Variants in SF3B3 observed in about 807,000 individuals in gnomAD.
SF3B3 encodes the protein SAP 130.
Under a neutral mutation model 139.2 loss-of-function variants are expected in SF3B3, and 33 were observed. The observed-to-expected ratio is 0.24, with a 90% CI of 0.18 to 0.32. The LOEUF (loss-of-function observed/expected upper bound fraction) is 0.32, where lower values mean the gene tolerates loss of function less well. Among genes scored for constraint, SF3B3 ranks in the 10% least tolerant of loss-of-function variants. The pLI is 1.00. For missense variants in SF3B3, 818 were observed against 1,509.4 expected (o/e 0.54, Z 7.59); for synonymous variants, 596 against 563.6 (o/e 1.06, Z -0.81).
chr16:70,568,418 C>T lies in SF3B3; in HGVS notation c.3088C>T (p.Pro1030Ser). Residue 1030 changes from proline to serine, a missense_variant, in exon 22 of 26, where the codon CCC becomes TCC. This residue lies in a region of SF3B3 where 91 missense variants were observed against 171.8 expected (regional missense o/e 0.53). Coordinates refer to ENST00000302516, the MANE Select transcript of SF3B3 (RefSeq NM_012426.5). ...TATCATCTTTGCTGATGATACCTAC[C>T]CCCGATGGGTCACTACAGCCAGCCT... Reference protein sequence around the residue: ...QLIIFADDTYPRWVTTASLLD... With the variant: ...QLIIFADDTYSRWVTTASLLD... 6.2e-7 allele frequency: 1 copy of T among 1,614,084 alleles called. No homozygotes were observed. Among genetic ancestry groups the T allele is most frequent in the Non-Finnish European group, 8.5e-7 (1 of 1,179,962 alleles).
chr16:70,532,241 G>A (rs1239265902), intron 4 of SF3B3, among the ~76,000 whole-genome samples: 1 of 150,674 alleles, frequency 6.6e-6, no homozygotes, highest in Non-Finnish European at 1.5e-5. Flanking sequence ...GTGGTGAGCT[G>A]AGATCGTGCC....
In SF3B3 at chr16:70,576,150, A is replaced by G. The variant is rs2151798121; in HGVS notation, c.*4337A>G. 6.6e-6 allele frequency: 1 copy of G among 151,934 alleles called. No homozygotes were observed. Among genetic ancestry groups the G allele is most frequent in the East Asian group, 1.9e-4 (1 of 5,164 alleles). 9.4% of individuals were successfully genotyped at this position (151,934 alleles called of 1,614,324 possible). A position where few individuals can be genotyped will look rare whatever the true frequency, so the allele number is the denominator to read the frequency against. The stretch of plus-strand genomic sequence containing the variant: ...TGTGTCTGCTTCACAGTCCAGTGTT[A>G]TGATCAGTAGCTGTGATGGACAATG... On this transcript the variant is annotated 3_prime_UTR_variant, in exon 26 of 26. Coordinates refer to ENST00000302516, the MANE Select transcript of SF3B3 (RefSeq NM_012426.5).
intron 2 of SF3B3, among the ~76,000 whole-genome samples, chr16:70,527,456 ACT>A (rs1211866970): frequency 1.3e-5 from 2 of 152,184 alleles, no homozygotes; most frequent in East Asian, 1.9e-4. Flanking sequence ...TTGAGGTTTA[ACT>A]CTGAATACTT....
chr16:70,548,763 T>A (rs1379122193), intron 11 of SF3B3, among the ~76,000 whole-genome samples: 2 of 152,230 alleles, frequency 1.3e-5, no homozygotes, highest in Non-Finnish European at 2.9e-5. Flanking sequence ...AGGTATGATA[T>A]GAGGGAAAGT....
At chr16:70,563,834 T>A in intron 17 of SF3B3, 42 bp from the exon 18 acceptor site, 1 of 1,597,074 alleles carries the variant, frequency 6.3e-7, no homozygotes, top group Non-Finnish European at 8.6e-7. Flanking sequence ...AGTTTCTGGG[T>A]CCGAGTGAGT....
Position 70,531,125 on chromosome 16 carries a change from C to T in SF3B3, c.570+208C>T, listed in dbSNP as rs113234076. On this transcript the variant is annotated intron_variant, in intron 4 of 25. Coordinates refer to ENST00000302516, the MANE Select transcript of SF3B3 (RefSeq NM_012426.5). ...ACTAAAAATACAAAAAGAAAATAGCCGGGCATCGTGGCGGGCGCCTGTGGT... is the reference window on the plus strand; with the variant it reads ...ACTAAAAATACAAAAAGAAAATAGCTGGGCATCGTGGCGGGCGCCTGTGGT... 6.6e-3 allele frequency among the ~76,000 whole-genome samples: 1,002 copies of T among 152,006 alleles called. 13 individuals are homozygous for T. The highest frequency in any genetic ancestry group is 0.023 in the African/African-American group (938 of 41,478).
rs554762791 is a variant in SF3B3 at position 70,557,173 on chromosome 16, C to T, written c.2010+144C>T. On this transcript the variant is annotated intron_variant, in intron 15 of 25. Coordinates refer to ENST00000302516, the MANE Select transcript of SF3B3 (RefSeq NM_012426.5). ...GTGAACAGTGTCACTCTGGGTTCCA[C>T]TTTTCTCAGCTCTTTAATTCGAACA... 510 of 784,984 alleles carry T rather than the reference C, an allele frequency of 6.5e-4. 2 individuals are homozygous for T. The highest frequency in any genetic ancestry group is 2.9e-3 in the South Asian group (135 of 45,772). 48.6% of individuals were successfully genotyped at this position (784,984 alleles called of 1,614,324 possible).
At chr16:70,569,375 C>T (rs2050507440) in intron 23 of SF3B3, among the ~76,000 whole-genome samples, 1 of 152,180 alleles carries the variant, frequency 6.6e-6, no homozygotes, top group African/African-American at 2.4e-5. Flanking sequence ...GCTTTACTTT[C>T]TCCTGTAGGC....
chr16:70,543,324 C>T (rs763597040), intron 9 of SF3B3, among the ~76,000 whole-genome samples: 2 of 151,332 alleles, frequency 1.3e-5, no homozygotes, highest in Non-Finnish European at 2.9e-5. Flanking sequence ...GCAAGAGAAT[C>T]GCTTGAACTT....
chr16:70,554,441 T>C lies in SF3B3; in HGVS notation c.1403-5T>C. The C allele has an allele frequency of 6.2e-7, 1 of 1,613,918 alleles. No individual in the cohort carries two copies. The highest frequency in any genetic ancestry group is 8.5e-7 in the Non-Finnish European group (1 of 1,179,872). The stretch of plus-strand genomic sequence containing the variant: ...TCTAACCAACTCCCTTCTTTTCTTT[T>C]TCAGATGAGTTTGATGCCTACATCA... On this transcript the variant is annotated splice_polypyrimidine_tract_variant and splice_region_variant and intron_variant, in intron 11 of 25. Transcript: ENST00000302516.
intron 10 of SF3B3, among the ~76,000 whole-genome samples, chr16:70,545,654 A>G (rs2050261301): frequency 1.3e-5 from 2 of 152,194 alleles, no homozygotes; most frequent in Non-Finnish European, 2.9e-5. Flanking sequence ...CTGTTTCTGT[A>G]AATTTTTATT....
At chr16:70,540,098 T>C (rs1229261714) in intron 8 of SF3B3, among the ~76,000 whole-genome samples, 2 of 150,246 alleles carry the variant, frequency 1.3e-5, no homozygotes, top group Non-Finnish European at 3.0e-5. Context: ...TCAATAAGTA[T>C]TTATTTGATG....
At chr16:70,529,261 G>A (rs1322394348) in intron 3 of SF3B3, 62 bp downstream of exon 3, 3 of 1,390,094 alleles carry the variant, frequency 2.2e-6, no homozygotes, top group African/African-American at 1.4e-5. Context: ...TGTGCTCTTG[G>A]TGGTGTGCCA....
rs2050563260 is a variant in SF3B3 at position 70,574,929 on chromosome 16, C to T, written c.*3116C>T. 1 of 152,182 alleles carries T rather than the reference C, an allele frequency of 6.6e-6. No homozygotes were observed. The highest frequency in any genetic ancestry group is 2.4e-5 in the African/African-American group (1 of 41,442). 9.4% of individuals were successfully genotyped at this position (152,182 alleles called of 1,614,324 possible). A position where few individuals can be genotyped will look rare whatever the true frequency, so the allele number is the denominator to read the frequency against. On this transcript the variant is annotated 3_prime_UTR_variant, in exon 26 of 26. Coordinates refer to ENST00000302516, the MANE Select transcript of SF3B3 (RefSeq NM_012426.5). ...ATTTTCAAGGGCTATATGTAGAGCT[C>T]AGAAGAAACATCTCTGCTGCTGAAA...
At chr16:70,535,924 A>G (rs899187727) in intron 6 of SF3B3, among the ~76,000 whole-genome samples, 1 of 152,158 alleles carries the variant, frequency 6.6e-6, no homozygotes, top group Non-Finnish European at 1.5e-5. Context: ...AAGCAATTTG[A>G]AAAGAAGTTA....
chr16:70,541,611 CATT>C (rs1597711947), intron 8 of SF3B3, 55 bp from the exon 9 acceptor site: 1 of 1,392,746 alleles, frequency 7.2e-7, no homozygotes, highest in Non-Finnish European at 1.0e-6. Flanking sequence ...TGATGCCAGA[CATT>C]ATCGTCAGGC....
At chr16:70,526,766 A>AT in intron 2 of SF3B3, 40 bp downstream of exon 2, 1 of 1,318,126 alleles carries the variant, frequency 7.6e-7, no homozygotes, top group Non-Finnish European at 1.1e-6. Context: ...TTTTAAGTGA[A>AT]TTAATACATA....
intron 11 of SF3B3, among the ~76,000 whole-genome samples, chr16:70,552,434 G>A (rs915349836): frequency 2.0e-5 from 3 of 152,192 alleles, no homozygotes; most frequent in African/African-American, 7.2e-5. Context: ...ATGGATTTTG[G>A]TTTTGTTGAA....
In SF3B3 at chr16:70,570,333, G is replaced by GTT. The variant is rs71151192; in HGVS notation, c.3408+200_3408+201dup. ...TCCCGCACCCAGGGAAGGCCATTTG[G>GTT]TTTTTTTTTTTTTTTTTGCGACGGA... is the stretch of plus-strand genomic sequence containing the variant. On this transcript the variant is annotated intron_variant, in intron 24 of 25. Coordinates refer to ENST00000302516, the MANE Select transcript of SF3B3 (RefSeq NM_012426.5). Among the ~76,000 whole-genome samples, 138 of 121,786 alleles carry GTT rather than the reference G, an allele frequency of 1.1e-3. 9 individuals carry two copies. Among genetic ancestry groups the GTT allele is most frequent in the East Asian group, 2.4e-3 (10 of 4,158 alleles). The allele number at this position is 121,786 out of a possible 152,430, so 79.9% of individuals were successfully genotyped here. A position where few individuals can be genotyped will look rare whatever the true frequency, so the allele number is the denominator to read the frequency against.
Sources: allele counts gnomAD v4.1 joint callset (sites outside exome capture counted in the v4.1 genomes callset), GRCh38; gene constraint gnomAD v4.1.1; regional missense constraint gnomAD v4.1.1; transcripts MANE v1.5; gene names NCBI Gene and HGNC (gene_info 2026-07-23, HGNC 2026-07-21).